COTL1: variants seen among roughly 807,000 people sequenced by gnomAD.
The protein encoded by COTL1 is coactosin like F-actin binding protein 1.
COTL1 carries 15 observed loss-of-function variants against 16.5 expected under a neutral mutation model. The observed-to-expected ratio is 0.91, with a 90% CI of 0.61 to 1.40. The LOEUF (loss-of-function observed/expected upper bound fraction) is 1.40, where lower values mean the gene tolerates loss of function less well. Among genes scored for constraint, COTL1 ranks in the 40% most tolerant of loss-of-function variants. COTL1 has a pLI of 0.00. For missense variants in COTL1, 220 were observed against 201.5 expected (o/e 1.09, Z -0.56); for synonymous variants, 112 against 85.3 (o/e 1.31, Z -1.73).
chr16:84,571,706 G>A (rs1464936723), intron 3 of COTL1, among the ~76,000 whole-genome samples: 1 of 152,232 alleles, frequency 6.6e-6, no homozygotes, highest in Admixed American at 6.5e-5. Context: ...GACTGGTCAT[G>A]CACGGGCCCA....
chr16:84,617,536 C>A lies in COTL1; in HGVS notation c.125G>T (p.Gly42Val). ...CTGGATGAAGTGCTGGTACTCCGCT[C>A]CCTGCTCGCCGGGGACGATGGTGGA... The part of the protein sequence containing the change: ...DGSTIVPGEQ[G>V]AEYQHFIQQC... The change falls in exon 2 of 4, where the codon GGA becomes GTA. Residue 42 changes from glycine (G) to valine (V), a missense_variant. Coordinates refer to ENST00000262428, the MANE Select transcript of COTL1 (RefSeq NM_021149.5). 1 of 1,557,696 alleles carries A rather than the reference C, an allele frequency of 6.4e-7. No individual in the cohort carries two copies. Among genetic ancestry groups the A allele is most frequent in the Non-Finnish European group, 8.7e-7 (1 of 1,150,116 alleles).
At chr16:84,573,770 C>T (rs201909362) in intron 3 of COTL1, among the ~76,000 whole-genome samples, 5 of 64,922 alleles carry the variant, frequency 7.7e-5, no homozygotes, top group East Asian at 1.0e-3. Flanking sequence ...TATATACATA[C>T]ACACACACAC....
chr16:84,616,648 A>G (rs1905493365), intron 2 of COTL1, among the ~76,000 whole-genome samples: 1 of 152,186 alleles, frequency 6.6e-6, no homozygotes, highest in Non-Finnish European at 1.5e-5. Context: ...CGCATTCTCC[A>G]ATCTCTTTAA....
intron 3 of COTL1, among the ~76,000 whole-genome samples, chr16:84,581,506 T>TTTGTTG (rs34587861): frequency 6.6e-6 from 1 of 151,508 alleles, no homozygotes; most frequent in Non-Finnish European, 1.5e-5. Context: ...TCTCTAATTT[T>TTTGTTG]TTGTTGTTGT....
At position 84,566,890 on chromosome 16, in the gene COTL1, C is replaced by T; in HGVS notation, c.384G>A (p.Glu128=). 1 of 1,614,112 alleles carries T rather than the reference C, an allele frequency of 6.2e-7. No homozygotes were observed. Reference sequence around the variant, plus strand: ...AATTGGCTCCCCCCGCCTTCTTCAGCTCGCTCTTGATGAAATCTTCCTCCA... The same window carrying T: ...AATTGGCTCCCCCCGCCTTCTTCAGTTCGCTCTTGATGAAATCTTCCTCCA... ...KELEEDFIKS[E]LKKAGGANYD... The change falls in exon 4 of 4, where the codon GAG becomes GAA. Residue 128 remains glutamate, a synonymous_variant. Coordinates refer to ENST00000262428, the MANE Select transcript of COTL1 (RefSeq NM_021149.5).
intron 2 of COTL1, among the ~76,000 whole-genome samples, chr16:84,593,886 T>G (rs1382052721): frequency 6.6e-6 from 1 of 152,132 alleles, no homozygotes; most frequent in Non-Finnish European, 1.5e-5. Context: ...ATTTCACCAC[T>G]CCAACGAGAA....
At chr16:84,604,527 C>T (rs1318209825) in intron 2 of COTL1, among the ~76,000 whole-genome samples, 1 of 152,068 alleles carries the variant, frequency 6.6e-6, no homozygotes, top group African/African-American at 2.4e-5. Flanking sequence ...GCTCTCCCAG[C>T]ACGAGTGCCC....
intron 2 of COTL1, among the ~76,000 whole-genome samples, chr16:84,593,322 C>A (rs563287358): frequency 1.3e-4 from 20 of 152,344 alleles, no homozygotes; most frequent in African/African-American, 4.8e-4. Flanking sequence ...GGCCTGGTGA[C>A]CAACTGGATG....
In COTL1 at chr16:84,611,808, T is replaced by C. The variant is rs574771837; in HGVS notation, c.160+5693A>G. Among the ~76,000 whole-genome samples the C allele has an allele frequency of 1.1e-3, 166 of 152,334 alleles. 3 individuals are homozygous for C. In the South Asian group the frequency reaches 0.033, roughly 30 times the overall value. On this transcript the variant is annotated intron_variant, in intron 2 of 3. Coordinates refer to ENST00000262428, the MANE Select transcript of COTL1 (RefSeq NM_021149.5). ...CAGAGAATATGTATTATCTGAATGG[T>C]GCAGAAACAAAATGTGATTTCACAG... is the stretch of plus-strand genomic sequence containing the variant.
Position 84,566,755 on chromosome 16 carries a change from G to T in COTL1, c.*90C>A, listed in dbSNP as rs1188623342. ...TCATGGCTTCTTTTCTCCCTGGTGG[G>T]CTGGTGGGCTAGTAGCTGAGGCCGG... On this transcript the variant is annotated 3_prime_UTR_variant, in exon 4 of 4. Coordinates refer to ENST00000262428, the MANE Select transcript of COTL1 (RefSeq NM_021149.5). 5 of 824,050 alleles carry T rather than the reference G, an allele frequency of 6.1e-6. No individual in the cohort carries two copies. Among genetic ancestry groups the T allele is most frequent in the Non-Finnish European group, 8.1e-6 (4 of 492,676 alleles). 51.0% of individuals were successfully genotyped at this position (824,050 alleles called of 1,614,324 possible).
intron 2 of COTL1, chr16:84,596,488 C>A (rs1260050419): frequency 1.3e-5 from 2 of 152,198 alleles, no homozygotes; most frequent in African/African-American, 4.8e-5. Flanking sequence ...TGATTTTTGA[C>A]CCCCAACACC....
At chr16:84,614,643 C>G (rs1458917196) in intron 2 of COTL1, among the ~76,000 whole-genome samples, 1 of 152,114 alleles carries the variant, frequency 6.6e-6, no homozygotes. Flanking sequence ...AAGGAAGAAA[C>G]TGGGTGCTGT....
chr16:84,581,868 A>C (rs952833360), intron 3 of COTL1, among the ~76,000 whole-genome samples: 1 of 151,564 alleles, frequency 6.6e-6, no homozygotes, highest in South Asian at 2.1e-4. Context: ...AAGTCCCCTG[A>C]GTGTAATTAG....
chr16:84,572,771 G>C (rs1204658056), intron 3 of COTL1, among the ~76,000 whole-genome samples: 2 of 151,362 alleles, frequency 1.3e-5, no homozygotes, highest in Non-Finnish European at 2.9e-5. Flanking sequence ...TCTTAGACAG[G>C]TCTCACTCTG....
chr16:84,572,615 C>T (rs1320865824), intron 3 of COTL1, among the ~76,000 whole-genome samples: 1 of 152,150 alleles, frequency 6.6e-6, no homozygotes, highest in Non-Finnish European at 1.5e-5. Context: ...CACAAGCCAC[C>T]ACGTCCAGCT....
intron 3 of COTL1, among the ~76,000 whole-genome samples, chr16:84,584,182 C>T (rs999650862): frequency 2.6e-5 from 4 of 152,256 alleles, no homozygotes; most frequent in African/African-American, 7.2e-5. Context: ...GCCAGCCAGC[C>T]GTGCGTGCTG....
chr16:84,585,624 G>A (rs1474910144), intron 3 of COTL1, among the ~76,000 whole-genome samples: 2 of 152,134 alleles, frequency 1.3e-5, no homozygotes, highest in African/African-American at 4.8e-5. Flanking sequence ...CATCTGGAAG[G>A]TCCCTTAGAG....
At chr16:84,578,675 GCA>G (rs3086227) in intron 3 of COTL1, among the ~76,000 whole-genome samples, 6,273 of 147,264 alleles carry the variant, frequency 0.043, 156 homozygotes, top group Middle Eastern at 0.056. Flanking sequence ...ACACAAGTGT[GCA>G]CACACACACA....
intron 2 of COTL1, among the ~76,000 whole-genome samples, chr16:84,598,376 G>C (rs1379710330): frequency 6.6e-6 from 1 of 152,140 alleles, no homozygotes; most frequent in Non-Finnish European, 1.5e-5. Context: ...TAGGTAAAGG[G>C]AGCCTCAGTC....
Sources: allele counts gnomAD v4.1 joint callset (sites outside exome capture counted in the v4.1 genomes callset), GRCh38; gene constraint gnomAD v4.1.1; transcripts MANE v1.5; gene names NCBI Gene and HGNC (gene_info 2026-07-23, HGNC 2026-07-21).